Variants in ASZ1 observed in about 807,000 individuals in gnomAD.
ASZ1 encodes ankyrin repeat, SAM and basic leucine zipper domain containing 1, also known as ankyrin repeat, SAM and basic leucine zipper domain-containing protein 1.
ASZ1 carries 67 observed loss-of-function variants against 61.8 expected under a neutral mutation model. The observed-to-expected ratio is 1.08, with a 90% CI of 0.89 to 1.33. ASZ1 has a LOEUF of 1.33. ASZ1 is among the 40% of genes most tolerant of loss of function. The pLI, the probability that ASZ1 is intolerant of heterozygous loss-of-function variation, is 0.00. For synonymous variants in ASZ1, 193 were observed against 192.7 expected (o/e 1.00, Z -0.01); for missense variants, 577 against 554.5 (o/e 1.04, Z -0.41).
chr7:117,411,521 C>T (rs1796889127), intron 4 of ASZ1, among the ~76,000 whole-genome samples: 1 of 151,830 alleles, frequency 6.6e-6, no homozygotes, highest in African/African-American at 2.4e-5. Context: ...GATACTTTCA[C>T]ATGGTCTACA....
intron 10 of ASZ1, among the ~76,000 whole-genome samples, chr7:117,372,145 T>A (rs1464750355): frequency 6.6e-6 from 1 of 152,160 alleles, no homozygotes; most frequent in Non-Finnish European, 1.5e-5. Context: ...GATAACTTTG[T>A]GCTTATTTAA....
intron 4 of ASZ1, among the ~76,000 whole-genome samples, chr7:117,418,947 C>CAAGA (rs1192532458): frequency 1.3e-5 from 2 of 152,004 alleles, no homozygotes; most frequent in Non-Finnish European, 2.9e-5. Context: ...GGTGACAGAG[C>CAAGA]AAGACCCTGT....
At chr7:117,411,121 C>T (rs1477368211) in intron 4 of ASZ1, among the ~76,000 whole-genome samples, 1 of 151,596 alleles carries the variant, frequency 6.6e-6, no homozygotes, top group Non-Finnish European at 1.5e-5. Context: ...AAAATTAGTG[C>T]CAAGAGCTTT....
chr7:117,407,010 T>C (rs1796797479), intron 4 of ASZ1, among the ~76,000 whole-genome samples: 1 of 151,826 alleles, frequency 6.6e-6, no homozygotes. Flanking sequence ...TAATATTTGA[T>C]TAATCAAAAA....
intron 4 of ASZ1, among the ~76,000 whole-genome samples, chr7:117,396,803 G>C (rs754252416): frequency 2.6e-5 from 4 of 151,958 alleles, no homozygotes; most frequent in Non-Finnish European, 2.9e-5. Flanking sequence ...GAAATGAAAG[G>C]CTTTTTTTTC....
At chr7:117,406,698 A>G (rs1796789151) in intron 4 of ASZ1, among the ~76,000 whole-genome samples, 1 of 151,956 alleles carries the variant, frequency 6.6e-6, no homozygotes, top group South Asian at 2.1e-4. Flanking sequence ...GGTTGTGGTG[A>G]GCCGAGATTG....
At chr7:117,427,300 C>A in intron 1 of ASZ1, 56 bp downstream of exon 1, 1 of 1,578,300 alleles carries the variant, frequency 6.3e-7, no homozygotes. Context: ...GCCTCGCCTT[C>A]GAGGGCCAGG....
intron 10 of ASZ1, among the ~76,000 whole-genome samples, chr7:117,370,001 A>T (rs1417062406): frequency 1.3e-5 from 2 of 152,140 alleles, no homozygotes; most frequent in African/African-American, 4.8e-5. Context: ...CCTAGTACAT[A>T]GCTGGTGTTC....
At chr7:117,368,768 T>A in intron 10 of ASZ1, 51 bp from the exon 11 acceptor site, 1 of 1,598,790 alleles carries the variant, frequency 6.3e-7, no homozygotes, top group Non-Finnish European at 8.5e-7. Flanking sequence ...AAGAGCAATT[T>A]ATTTCATTCT....
intron 4 of ASZ1, among the ~76,000 whole-genome samples, chr7:117,390,905 T>C (rs1438474092): frequency 6.6e-6 from 1 of 152,130 alleles, no homozygotes; most frequent in Non-Finnish European, 1.5e-5. Context: ...GGTTTCACCA[T>C]CATGGCCAGG....
intron 4 of ASZ1, among the ~76,000 whole-genome samples, chr7:117,389,979 G>A (rs1042810582): frequency 6.6e-6 from 1 of 152,038 alleles, no homozygotes; most frequent in African/African-American, 2.4e-5. Context: ...TGTGGCATTT[G>A]GTTTCCTTTT....
At chr7:117,371,659 T>G (rs534328491) in intron 10 of ASZ1, among the ~76,000 whole-genome samples, 3 of 152,036 alleles carry the variant, frequency 2.0e-5, no homozygotes, top group Non-Finnish European at 4.4e-5. Flanking sequence ...ACTATTTATA[T>G]AAGTACACTT....
chr7:117,378,470 CACA>C (rs1321885001), intron 10 of ASZ1, among the ~76,000 whole-genome samples: 5 of 151,960 alleles, frequency 3.3e-5, no homozygotes, highest in African/African-American at 1.2e-4. Context: ...CAAATAAAAA[CACA>C]ACAAGCTATT....
intron 4 of ASZ1, among the ~76,000 whole-genome samples, chr7:117,392,468 G>A (rs1796489884): frequency 6.6e-6 from 1 of 152,056 alleles, no homozygotes; most frequent in Non-Finnish European, 1.5e-5. Flanking sequence ...AAATGGAACT[G>A]CACTCTTGAT....
intron 4 of ASZ1, among the ~76,000 whole-genome samples, chr7:117,399,995 A>G (rs1230584935): frequency 2.6e-5 from 4 of 152,240 alleles, no homozygotes; most frequent in Non-Finnish European, 5.9e-5. Flanking sequence ...TTTCATTTCA[A>G]TAAAATTTCC....
intron 1 of ASZ1, 71 bp downstream of exon 1, chr7:117,427,285 G>T: frequency 6.6e-7 from 1 of 1,507,106 alleles, no homozygotes; most frequent in Non-Finnish European, 9.2e-7. Context: ...GTTTCACGAG[G>T]CTGGGCCTCG....
At chr7:117,370,911 TGCTCCTGGGTTC>T (rs1796039342) in intron 10 of ASZ1, among the ~76,000 whole-genome samples, 1 of 151,218 alleles carries the variant, frequency 6.6e-6, no homozygotes, top group South Asian at 2.1e-4. Flanking sequence ...CTGTAACCTC[TGCTCCTGGGTTC>T]AAGTGATTCT....
intron 4 of ASZ1, among the ~76,000 whole-genome samples, chr7:117,415,283 C>T (rs1009989346): frequency 6.6e-6 from 1 of 152,148 alleles, no homozygotes; most frequent in African/African-American, 2.4e-5. Context: ...TTTTGAATTG[C>T]ACACTGTCCT....
At chr7:117,402,968 T>C (rs981276630) in intron 4 of ASZ1, among the ~76,000 whole-genome samples, 7 of 111,868 alleles carry the variant, frequency 6.3e-5, no homozygotes, top group African/African-American at 1.0e-4. Context: ...AGACTTAGCA[T>C]GATATCATCA....
Sources: gnomAD v4.1 joint callset for allele counts (sites outside exome capture counted in the v4.1 genomes callset) on GRCh38, gnomAD v4.1.1 for gene constraint, MANE v1.5 for transcripts, NCBI Gene and HGNC (gene_info 2026-07-23, HGNC 2026-07-21) for gene names.